Variants in MAP3K4 observed in about 807,000 individuals in gnomAD.
MAP3K4 encodes the protein mitogen-activated protein kinase kinase kinase 4.
A neutral mutation model predicts 185.6 loss-of-function variants in MAP3K4; 67 were observed. The observed-to-expected ratio is 0.36, with a 90% CI of 0.30 to 0.44. MAP3K4 has a LOEUF of 0.44. MAP3K4 is among the 20% of genes least tolerant of loss of function. The probability of loss-of-function intolerance (pLI) is 1.00; values close to 1 mark genes in which losing one functional copy is unlikely to be tolerated. For synonymous variants in MAP3K4, 702 were observed against 710.4 expected (o/e 0.99, Z 0.19); for missense variants, 1,551 against 1,995.1 (o/e 0.78, Z 4.24).
intron 1 of MAP3K4, among the ~76,000 whole-genome samples, chr6:160,995,768 A>C (rs139678755): frequency 1.1e-3 from 160 of 152,306 alleles, no homozygotes; most frequent in Middle Eastern, 3.4e-3. Flanking sequence ...TATTAAAACT[A>C]ATTTGGAACA....
rs988104405 is a variant in MAP3K4 at position 161,115,906 on chromosome 6, A to C, written c.4806+604A>C. Among the ~76,000 whole-genome samples, 1 of 152,192 alleles carries C rather than the reference A, an allele frequency of 6.6e-6. No homozygotes were observed. The highest frequency in any genetic ancestry group is 1.5e-5 in the Non-Finnish European group (1 of 68,038). ...GCAGGAAGATAAGGCTAGAACAGTA[A>C]CCAGGAGCAACATGAAGGAGTTTCC... is the stretch of plus-strand genomic sequence containing the variant. On this transcript the variant is annotated intron_variant, in intron 26 of 26. Coordinates refer to ENST00000392142, the MANE Select transcript of MAP3K4 (RefSeq NM_005922.4). The surrounding 1 kb of genome is among the most constrained non-coding windows in gnomAD (Gnocchi z 6.0).
intron 1 of MAP3K4, among the ~76,000 whole-genome samples, chr6:161,011,479 T>A (rs188008512): frequency 3.2e-4 from 49 of 152,308 alleles, no homozygotes; most frequent in Non-Finnish European, 6.6e-4. Context: ...ACACACTTAA[T>A]TTTAGGTATG....
chr6:161,049,705 T>C lies in MAP3K4; in HGVS notation c.1433T>C (p.Ile478Thr), dbSNP rs776949379. Residue 478 changes from isoleucine (I) to threonine (T), a missense_variant, in exon 3 of 27, where the codon ATA becomes ACA. Transcript: ENST00000392142. This position sits in a 1 kb window ranked among gnomAD's most constrained non-coding sequence, Gnocchi z 8.4. ...DPRVPEIRQP[I>T]DNSFDIQSRD... ...AGGGTACCGGAAATCAGACAGCCCA[T>C]AGATAACAGCTTCGACATCCAGTCG... 2 of 1,614,070 alleles carry C rather than the reference T, an allele frequency of 1.2e-6. No homozygotes were observed. The highest frequency in any genetic ancestry group is 1.1e-5 in the South Asian group (1 of 91,072).
chr6:161,001,012 A>C (rs1327100128), intron 1 of MAP3K4, among the ~76,000 whole-genome samples: 1 of 29,748 alleles, frequency 3.4e-5, no homozygotes, highest in South Asian at 8.3e-4. Context: ...ATATACACAT[A>C]TGTATATAAT....
In MAP3K4 at chr6:161,043,654, C is replaced by G. The variant is rs1783591711; in HGVS notation, c.344-4962C>G. Among the ~76,000 whole-genome samples the G allele has an allele frequency of 6.6e-6, 1 of 152,216 alleles. No individual in the cohort carries two copies. The highest frequency in any genetic ancestry group is 2.1e-4 in the South Asian group (1 of 4,832). ...AAATGGAAGCTGGATAAAGCAATTTCTCAAAATGTGGAGCCATTGTAGCCA... is the reference window on the plus strand; with the variant it reads ...AAATGGAAGCTGGATAAAGCAATTTGTCAAAATGTGGAGCCATTGTAGCCA... On this transcript the variant is annotated intron_variant, in intron 2 of 26. Coordinates refer to ENST00000392142, the MANE Select transcript of MAP3K4 (RefSeq NM_005922.4). The surrounding 1 kb of genome is among the most constrained non-coding windows in gnomAD (Gnocchi z 4.3).
At chr6:161,055,868 AC>A (rs1784212282) in intron 3 of MAP3K4, among the ~76,000 whole-genome samples, 1 of 152,150 alleles carries the variant, frequency 6.6e-6, no homozygotes, top group Non-Finnish European at 1.5e-5. Context: ...GAAGTAAGTC[AC>A]CACACACAAC....
chr6:161,010,577 T>C (rs1781799845), intron 1 of MAP3K4, among the ~76,000 whole-genome samples: 1 of 152,248 alleles, frequency 6.6e-6, no homozygotes, highest in Admixed American at 6.5e-5. Flanking sequence ...TATTGCACAA[T>C]TGCCTACTCT....
Position 161,098,243 on chromosome 6 carries a change from C to G in MAP3K4, c.3525-35C>G. The G allele has an allele frequency of 6.3e-7, 1 of 1,588,282 alleles. No homozygotes were observed. Among genetic ancestry groups the G allele is most frequent in the Non-Finnish European group, 8.6e-7 (1 of 1,164,182 alleles). On this transcript the variant is annotated intron_variant, in intron 16 of 26. Coordinates refer to ENST00000392142, the MANE Select transcript of MAP3K4 (RefSeq NM_005922.4). The surrounding 1 kb of genome is among the most constrained non-coding windows in gnomAD (Gnocchi z 4.4). ...AATTTTCAAGTCCGTTCCCTCTTCT[C>G]ACATGTGTTCCTGAAGCTTTTCTTC...
At chr6:160,992,111 T>A (rs781682512) in intron 1 of MAP3K4, 28 bp downstream of exon 1, 98 of 1,525,966 alleles carry the variant, frequency 6.4e-5, no homozygotes, top group Non-Finnish European at 2.4e-5. Flanking sequence ...AGTCGGTCGC[T>A]CGCAGAAAGC....
In MAP3K4 at chr6:161,091,607, T is replaced by C; in HGVS notation, c.3135+67T>C. ...TGCTTGATAACTTACAGAAAGTTTT[T>C]GGAACCTTTTACAGTAAATCTGATA... On this transcript the variant is annotated intron_variant, in intron 12 of 26. Coordinates refer to ENST00000392142, the MANE Select transcript of MAP3K4 (RefSeq NM_005922.4). The surrounding 1 kb of genome is among the most constrained non-coding windows in gnomAD (Gnocchi z 5.5). 1 of 1,414,088 alleles carries C rather than the reference T, an allele frequency of 7.1e-7. No homozygotes were observed. The highest frequency in any genetic ancestry group is 9.8e-7 in the Non-Finnish European group (1 of 1,024,262). The allele number at this position is 1,414,088 out of a possible 1,614,324, so 87.6% of individuals were successfully genotyped here.
rs574054977 is a variant in MAP3K4 at position 160,992,101 on chromosome 6, A to G, written c.152+18A>G. 6.5e-7 allele frequency: 1 copy of G among 1,537,548 alleles called. No individual in the cohort carries two copies. The highest frequency in any genetic ancestry group is 1.2e-5 in the South Asian group (1 of 81,858). ...GCGGCGAGGTGAGTGTGGCGGCCGCAGTCGGTCGCTCGCAGAAAGCGGGGC... is the reference window on the plus strand; with the variant it reads ...GCGGCGAGGTGAGTGTGGCGGCCGCGGTCGGTCGCTCGCAGAAAGCGGGGC... On this transcript the variant is annotated intron_variant, in intron 1 of 26. Coordinates refer to ENST00000392142, the MANE Select transcript of MAP3K4 (RefSeq NM_005922.4).
At position 161,061,870 on chromosome 6, in the gene MAP3K4, A is replaced by C. The variant is rs972990719; in HGVS notation, c.1708-8738A>C. ...TTGATCTATTCATAGATTTCTTAAAATTTTATTTTTAGGTATTGGTTTTTA... is the reference window on the plus strand; with the variant it reads ...TTGATCTATTCATAGATTTCTTAAACTTTTATTTTTAGGTATTGGTTTTTA... On this transcript the variant is annotated intron_variant, in intron 3 of 26. Coordinates refer to ENST00000392142, the MANE Select transcript of MAP3K4 (RefSeq NM_005922.4). This position sits in a 1 kb window ranked among gnomAD's most constrained non-coding sequence, Gnocchi z 4.2. Among the ~76,000 whole-genome samples, 2 of 152,148 alleles carry C rather than the reference A, an allele frequency of 1.3e-5. No individual in the cohort carries two copies. Among genetic ancestry groups the C allele is most frequent in the African/African-American group, 4.8e-5 (2 of 41,440 alleles).
rs1410007402 is a variant in MAP3K4 at position 161,076,730 on chromosome 6, A to G, written c.2097+3118A>G. Among the ~76,000 whole-genome samples, 1 of 152,232 alleles carries G rather than the reference A, an allele frequency of 6.6e-6. No individual in the cohort carries two copies. Among genetic ancestry groups the G allele is most frequent in the Non-Finnish European group, 1.5e-5 (1 of 68,036 alleles). The stretch of plus-strand genomic sequence containing the variant: ...ACACAAGAGAGCTCACATGTACACA[A>G]TTTGAGTTTCTGCAGAAGAACAAAG... On this transcript the variant is annotated intron_variant, in intron 5 of 26. Coordinates refer to ENST00000392142, the MANE Select transcript of MAP3K4 (RefSeq NM_005922.4). The surrounding 1 kb of genome is among the most constrained non-coding windows in gnomAD (Gnocchi z 4.2).
rs1270160934 is a variant in MAP3K4, at chr6:161,107,022, TTCTC to T, written c.4048+329_4048+332del. ...CAAAATTTGACCCATTTGTTCTAGTTTCTCTCTCTCTCTCTACACACGCGCGCGC... is the reference window on the plus strand; with the variant it reads ...CAAAATTTGACCCATTTGTTCTAGTTTCTCTCTCTCTACACACGCGCGCGC... On this transcript the variant is annotated intron_variant, in intron 20 of 26. Coordinates refer to ENST00000392142, the MANE Select transcript of MAP3K4 (RefSeq NM_005922.4). This position sits in a 1 kb window ranked among gnomAD's most constrained non-coding sequence, Gnocchi z 6.2. Among the ~76,000 whole-genome samples the T allele has an allele frequency of 3.5e-5, 5 of 141,494 alleles. No homozygotes were observed. The highest frequency in any genetic ancestry group is 7.6e-5 in the Non-Finnish European group (5 of 65,878). 92.8% of individuals were successfully genotyped at this position (141,494 alleles called of 152,430 possible).
At chr6:161,105,178 A>G (rs1194005060) in intron 19 of MAP3K4, among the ~76,000 whole-genome samples, 1 of 152,240 alleles carries the variant, frequency 6.6e-6, no homozygotes, top group Non-Finnish European at 1.5e-5. Flanking sequence ...TAGTAAGGGT[A>G]ATAGCTCACA....
In MAP3K4 at chr6:161,064,692, C is replaced by T. The variant is rs2114800004; in HGVS notation, c.1708-5916C>T. On this transcript the variant is annotated intron_variant, in intron 3 of 26. Coordinates refer to ENST00000392142, the MANE Select transcript of MAP3K4 (RefSeq NM_005922.4). The surrounding 1 kb of genome is among the most constrained non-coding windows in gnomAD (Gnocchi z 4.3). ...GATTTGTCAAATCCACACAACATGACATCAGAATTATTATTGTAATTACAT... is the reference window on the plus strand; with the variant it reads ...GATTTGTCAAATCCACACAACATGATATCAGAATTATTATTGTAATTACAT... 2.0e-5 allele frequency among the ~76,000 whole-genome samples: 3 copies of T among 152,276 alleles called. No individual in the cohort carries two copies. In the South Asian group the frequency reaches 6.2e-4, roughly 32 times the overall value.
chr6:160,992,135 G>A, intron 1 of MAP3K4, 52 bp downstream of exon 1: 1 of 1,471,328 alleles, frequency 6.8e-7, no homozygotes, highest in Non-Finnish European at 8.9e-7. Context: ...GCGGGTCCTG[G>A]CCCGAACTCG....
intron 3 of MAP3K4, among the ~76,000 whole-genome samples, chr6:161,069,857 A>G (rs1431939582): frequency 6.6e-6 from 1 of 151,870 alleles, no homozygotes; most frequent in African/African-American, 2.4e-5. Flanking sequence ...AAGGGAGGAG[A>G]AGCAGGGGCC....
In MAP3K4 at chr6:161,049,186, A is replaced by G. The variant is rs754442037; in HGVS notation, c.914A>G (p.Tyr305Cys). Reference protein sequence around the residue: ...INEILTFKVDYGSFAFVRDRA... With the variant: ...INEILTFKVDCGSFAFVRDRA... ...GAAATCCTTACTTTCAAAGTCGACT[A>G]TGGGAGCTTCGCCTTTGTTAGAGAT... is the stretch of plus-strand genomic sequence containing the variant. The change falls in exon 3 of 27, where the codon TAT becomes TGT. Residue 305 changes from tyrosine to cysteine, a missense_variant. Physicochemically the swap from Tyr to Cys is radical, Grantham distance 194 (BLOSUM62 -2). Transcript: ENST00000392142. The surrounding 1 kb of genome is among the most constrained non-coding windows in gnomAD (Gnocchi z 8.4). 10 of 1,613,820 alleles carry G rather than the reference A, an allele frequency of 6.2e-6. No individual in the cohort carries two copies. The highest frequency in any genetic ancestry group is 2.7e-5 in the African/African-American group (2 of 74,926).
Sources: allele counts gnomAD v4.1 joint callset (sites outside exome capture counted in the v4.1 genomes callset), GRCh38; gene constraint gnomAD v4.1.1; non-coding constraint Gnocchi (gnomAD v3.1); transcripts MANE v1.5; gene names NCBI Gene and HGNC (gene_info 2026-07-23, HGNC 2026-07-21).